Variants in MTPN observed in about 807,000 individuals in gnomAD.
MTPN encodes granule cell differentiation protein.
Under a neutral mutation model 13.5 loss-of-function variants are expected in MTPN, and 2 were observed. That is an observed-to-expected ratio of 0.15 (90% CI 0.06 to 0.47). The LOEUF (loss-of-function observed/expected upper bound fraction) is 0.47, where lower values mean the gene tolerates loss of function less well. MTPN is among the 20% of genes least tolerant of loss of function. The probability of loss-of-function intolerance (pLI) is 0.97; values close to 1 mark genes in which losing one functional copy is unlikely to be tolerated. For synonymous variants in MTPN, 46 were observed against 51.7 expected (o/e 0.89, Z 0.48); for missense variants, 79 against 137.9 (o/e 0.57, Z 2.14).
intron 3 of MTPN, among the ~76,000 whole-genome samples, chr7:135,934,269 G>A (rs1242347781): frequency 6.6e-6 from 1 of 152,084 alleles, no homozygotes; most frequent in Non-Finnish European, 1.5e-5. Context: ...CAAGCACATA[G>A]GTTGGCAGGG....
intron 1 of MTPN, among the ~76,000 whole-genome samples, chr7:135,966,802 T>C (rs1200621474): frequency 2.0e-5 from 3 of 152,196 alleles, no homozygotes; most frequent in Non-Finnish European, 4.4e-5. Flanking sequence ...TTTGCCCTTT[T>C]TGGCTTTTGT....
rs957827455 is a variant in MTPN at position 135,929,534 on chromosome 7, CAGTT to C, written c.*388_*391del. On this transcript the variant is annotated 3_prime_UTR_variant, in exon 4 of 4. Transcript: ENST00000393085. ...ATCACAGCAGCCACTACTGCTCAGA[CAGTT>C]AGGGCTACCAAATATGTAGAGTTGG... The C allele has an allele frequency of 9.6e-6, 2 of 208,936 alleles. No individual in the cohort carries two copies. The highest frequency in any genetic ancestry group is 2.2e-5 in the Non-Finnish European group (2 of 91,356). 12.9% of individuals were successfully genotyped at this position (208,936 alleles called of 1,614,324 possible).
rs952764777 is a variant in MTPN at position 135,927,131 on chromosome 7, A to G, written c.*2795T>C. 2 of 563,216 alleles carry G rather than the reference A, an allele frequency of 3.6e-6. No individual in the cohort carries two copies. Among genetic ancestry groups the G allele is most frequent in the Non-Finnish European group, 5.7e-6 (2 of 348,118 alleles). 34.9% of individuals were successfully genotyped at this position (563,216 alleles called of 1,614,324 possible). ...GGAAGAAAACAGCAGCTCAACTGAA[A>G]TATTAGAAAAAAAAATCAAACAGAT... On this transcript the variant is annotated 3_prime_UTR_variant, in exon 4 of 4. Transcript: ENST00000393085.
At chr7:135,963,175 T>A (rs1373235) in intron 1 of MTPN, among the ~76,000 whole-genome samples, 25,710 of 152,012 alleles carry the variant, frequency 0.17, 2,567 homozygotes, top group East Asian at 0.26. Flanking sequence ...CAGTTACGTA[T>A]TATCCTTCCC....
chr7:135,941,316 C>T (rs1273421857), intron 3 of MTPN, among the ~76,000 whole-genome samples: 1 of 149,264 alleles, frequency 6.7e-6, no homozygotes, highest in Non-Finnish European at 1.5e-5. Flanking sequence ...CAGAACCAGG[C>T]CTTAAATCTA....
chr7:135,938,533 T>C (rs1427418219), intron 3 of MTPN, among the ~76,000 whole-genome samples: 3 of 152,226 alleles, frequency 2.0e-5, no homozygotes, highest in Non-Finnish European at 4.4e-5. Context: ...TTATGTTGAT[T>C]TGAACTGACA....
chr7:135,940,366 A>G (rs1282755123), intron 3 of MTPN, among the ~76,000 whole-genome samples: 1 of 152,190 alleles, frequency 6.6e-6, no homozygotes, highest in Non-Finnish European at 1.5e-5. Context: ...ATTTAATTTC[A>G]TATTTAATTT....
intron 3 of MTPN, among the ~76,000 whole-genome samples, chr7:135,941,389 A>C (rs1018730752): frequency 6.6e-6 from 1 of 152,346 alleles, no homozygotes; most frequent in Admixed American, 6.5e-5. Context: ...AACAATGGGG[A>C]ATGTCATATG....
chr7:135,956,630 C>G (rs929198174), intron 1 of MTPN, among the ~76,000 whole-genome samples: 6 of 152,190 alleles, frequency 3.9e-5, no homozygotes, highest in Admixed American at 2.0e-4. Context: ...CTTCTTGGAA[C>G]TGACTCATCC....
intron 3 of MTPN, among the ~76,000 whole-genome samples, chr7:135,944,788 T>C (rs1374593994): frequency 1.3e-5 from 2 of 152,132 alleles, no homozygotes; most frequent in African/African-American, 4.8e-5. Context: ...CTGTGAAAAA[T>C]ATAGTAGTCT....
intron 3 of MTPN, among the ~76,000 whole-genome samples, chr7:135,945,774 C>T (rs1394009103): frequency 6.6e-6 from 1 of 152,190 alleles, no homozygotes; most frequent in East Asian, 1.9e-4. Context: ...ATAGTAAATA[C>T]ATAAACATAT....
intron 1 of MTPN, among the ~76,000 whole-genome samples, chr7:135,962,558 A>AC (rs1198821391): frequency 6.6e-5 from 10 of 152,190 alleles, no homozygotes; most frequent in African/African-American, 2.2e-4. Flanking sequence ...TTAAAAGACT[A>AC]CCACTGTTCA....
At chr7:135,969,100 A>T (rs867079844) in intron 1 of MTPN, among the ~76,000 whole-genome samples, 1 of 20,216 alleles carries the variant, frequency 4.9e-5, no homozygotes, top group African/African-American at 1.7e-4. Flanking sequence ...GGGGGGGGGG[A>T]GGAGGGAGGG....
chr7:135,940,182 C>T (rs1275123554), intron 3 of MTPN, among the ~76,000 whole-genome samples: 2 of 152,052 alleles, frequency 1.3e-5, no homozygotes, highest in Non-Finnish European at 2.9e-5. Flanking sequence ...ATCTGAAAAC[C>T]TTACACTGTT....
At chr7:135,976,534 C>T (rs1417683963) in intron 1 of MTPN, among the ~76,000 whole-genome samples, 2 of 146,526 alleles carry the variant, frequency 1.4e-5, no homozygotes, top group Non-Finnish European at 3.1e-5. Flanking sequence ...TTTCTATTTT[C>T]GGTACTCTTT....
intron 1 of MTPN, among the ~76,000 whole-genome samples, chr7:135,951,975 CA>C (rs1252967797): frequency 6.6e-6 from 1 of 152,212 alleles, no homozygotes; most frequent in East Asian, 1.9e-4. Flanking sequence ...AGATTTTACA[CA>C]GTTCATATTA....
At position 135,977,329 on chromosome 7, in the gene MTPN, T is replaced by C. The variant is rs1051520098; in HGVS notation, c.-229A>G. ...CCGGGCCCAGCAGAGAGGTTCCGCCTGGCCGAGGAGAGGCAGGAACCTTTA... is the reference window on the plus strand; with the variant it reads ...CCGGGCCCAGCAGAGAGGTTCCGCCCGGCCGAGGAGAGGCAGGAACCTTTA... On this transcript the variant is annotated 5_prime_UTR_variant, in exon 1 of 4. Coordinates refer to ENST00000393085, the MANE Select transcript of MTPN (RefSeq NM_145808.4). The C allele has an allele frequency of 6.9e-6, 4 of 576,794 alleles. No individual in the cohort carries two copies. Among genetic ancestry groups the C allele is most frequent in the East Asian group, 3.0e-5 (1 of 33,890 alleles). 35.7% of individuals were successfully genotyped at this position (576,794 alleles called of 1,614,324 possible).
rs1037178363 is a variant in MTPN at position 135,926,764 on chromosome 7, G to C, written c.*3162C>G. The stretch of plus-strand genomic sequence containing the variant: ...AAATGCTGCTGACACATTAGCTGTA[G>C]CACAATTCAAGTTTATTCCATTTGT... On this transcript the variant is annotated 3_prime_UTR_variant, in exon 4 of 4. Coordinates refer to ENST00000393085, the MANE Select transcript of MTPN (RefSeq NM_145808.4). 6.5e-6 allele frequency: 1 copy of C among 152,752 alleles called. No individual in the cohort carries two copies. Among genetic ancestry groups the C allele is most frequent in the African/African-American group, 2.4e-5 (1 of 41,558 alleles). The allele number at this position is 152,752 out of a possible 1,614,324, so 9.5% of individuals were successfully genotyped here.
At chr7:135,943,554 T>A (rs965419625) in intron 3 of MTPN, among the ~76,000 whole-genome samples, 2 of 152,252 alleles carry the variant, frequency 1.3e-5, no homozygotes, top group Non-Finnish European at 2.9e-5. Flanking sequence ...TATTTTTAAA[T>A]CTCTATAGCA....
Sources: gnomAD v4.1 joint callset for allele counts (sites outside exome capture counted in the v4.1 genomes callset) on GRCh38, gnomAD v4.1.1 for gene constraint, MANE v1.5 for transcripts, NCBI Gene and HGNC (gene_info 2026-07-23, HGNC 2026-07-21) for gene names.